PPP6R3: variants seen among roughly 807,000 people sequenced by gnomAD.
PPP6R3 encodes the protein protein phosphatase 6 regulatory subunit 3.
A neutral mutation model predicts 110.7 loss-of-function variants in PPP6R3; 38 were observed. The ratio of observed to expected loss-of-function variants is 0.34; its 90% CI spans 0.26 to 0.45. PPP6R3 has a LOEUF of 0.45. Ranked by LOEUF, PPP6R3 falls within the 20% of genes least tolerant of loss-of-function variation. The pLI is 1.00. For missense variants in PPP6R3, 870 were observed against 1,062.4 expected, an observed-to-expected ratio of 0.82 and a Z score of 2.52; for synonymous variants, 369 against 373.5, an observed-to-expected ratio of 0.99 and a Z score of 0.14.
intron 6 of PPP6R3, among the ~76,000 whole-genome samples, chr11:68,553,644 G>A (rs1015490814): frequency 6.6e-6 from 1 of 152,074 alleles, no homozygotes; most frequent in Non-Finnish European, 1.5e-5. Context: ...CTTCTATGCT[G>A]ATAAGAGTGT....
intron 22 of PPP6R3, among the ~76,000 whole-genome samples, chr11:68,608,725 C>T (rs192884897): frequency 2.0e-5 from 3 of 152,214 alleles, no homozygotes; most frequent in East Asian, 1.9e-4. Flanking sequence ...TGGGTCTCCC[C>T]GACTTGCTGA....
At chr11:68,587,769 T>A (rs1168558916) in intron 15 of PPP6R3, 158 bp from the exon 16 acceptor site, 1 of 729,090 alleles carries the variant, frequency 1.4e-6, no homozygotes, top group African/African-American at 1.8e-5. Context: ...TGGCAAATTG[T>A]GTCTGAAATT....
intron 22 of PPP6R3, among the ~76,000 whole-genome samples, chr11:68,608,917 A>G (rs760201360): frequency 2.0e-5 from 3 of 152,170 alleles, no homozygotes; most frequent in African/African-American, 7.2e-5. Context: ...GAACCAGGTA[A>G]TTCAGATGAT....
chr11:68,499,433 A>G (rs751634300), intron 1 of PPP6R3, among the ~76,000 whole-genome samples: 2 of 152,184 alleles, frequency 1.3e-5, no homozygotes, highest in Admixed American at 1.3e-4. Context: ...TTCTCAGGAC[A>G]TGGTGATAAC....
chr11:68,517,326 G>C (rs951867470), intron 1 of PPP6R3, among the ~76,000 whole-genome samples: 1 of 152,142 alleles, frequency 6.6e-6, no homozygotes, highest in Non-Finnish European at 1.5e-5. Context: ...ATACACAACA[G>C]AGTTGGAGCA....
intron 1 of PPP6R3, among the ~76,000 whole-genome samples, chr11:68,509,632 A>G (rs1312482329): frequency 6.6e-6 from 1 of 151,880 alleles, no homozygotes; most frequent in Non-Finnish European, 1.5e-5. Context: ...TATTTTTGAG[A>G]CAGGGTGTCA....
intron 1 of PPP6R3, among the ~76,000 whole-genome samples, chr11:68,479,336 A>G (rs2098880988): frequency 6.6e-6 from 1 of 152,184 alleles, no homozygotes; most frequent in Admixed American, 6.5e-5. Context: ...GTGTGCCTGC[A>G]TTTTGACTGT....
At chr11:68,472,406 C>T (rs1398289060) in intron 1 of PPP6R3, among the ~76,000 whole-genome samples, 1 of 152,178 alleles carries the variant, frequency 6.6e-6, no homozygotes, top group Non-Finnish European at 1.5e-5. Flanking sequence ...TAAACAAGTG[C>T]AGATGCATTT....
chr11:68,524,791 C>T (rs2099187586), intron 2 of PPP6R3, among the ~76,000 whole-genome samples: 1 of 152,224 alleles, frequency 6.6e-6, no homozygotes, highest in African/African-American at 2.4e-5. Context: ...TGCATTTTGA[C>T]AAGCCTGTGG....
chr11:68,517,938 C>CAA lies in PPP6R3; in HGVS notation c.-157-1549_-157-1548dup, dbSNP rs34246025. On this transcript the variant is annotated intron_variant, in intron 1 of 23. Transcript: ENST00000393800. ...GGGCGAGAGAGCAAGACCCTGTCTT[C>CAA]AAAAAAAAAAAAAAAGTTAATAAAA... is the stretch of plus-strand genomic sequence containing the variant. Among the ~76,000 whole-genome samples, 757 of 128,126 alleles carry CAA rather than the reference C, an allele frequency of 5.9e-3. 6 individuals carry two copies. The highest frequency in any genetic ancestry group is 0.023 in the Middle Eastern group (6 of 260). 84.1% of individuals were successfully genotyped at this position (128,126 alleles called of 152,430 possible). A position where few individuals can be genotyped will look rare whatever the true frequency, so the allele number is the denominator to read the frequency against.
intron 20 of PPP6R3, among the ~76,000 whole-genome samples, chr11:68,601,500 A>G (rs1270899176): frequency 6.6e-6 from 1 of 152,202 alleles, no homozygotes. Context: ...AAACCAGTCA[A>G]CCTGATAAAT....
At chr11:68,573,891 A>G (rs963964182) in intron 12 of PPP6R3, among the ~76,000 whole-genome samples, 2 of 152,198 alleles carry the variant, frequency 1.3e-5, no homozygotes, top group African/African-American at 4.8e-5. Flanking sequence ...AGGCTGCCAT[A>G]TAATCTTTTA....
At chr11:68,516,768 T>C (rs10896337) in intron 1 of PPP6R3, among the ~76,000 whole-genome samples, 38,529 of 152,172 alleles carry the variant, frequency 0.25, 5,134 homozygotes, top group Middle Eastern at 0.33. Flanking sequence ...GAGGAATGAA[T>C]GTTAACGGTT....
intron 1 of PPP6R3, among the ~76,000 whole-genome samples, chr11:68,503,422 TGTGG>T (rs1248114160): frequency 2.0e-5 from 3 of 152,162 alleles, no homozygotes; most frequent in Non-Finnish European, 4.4e-5. Flanking sequence ...GCCTGACCTC[TGTGG>T]GAGCCTCTGT....
chr11:68,577,287 T>G (rs909049562), intron 14 of PPP6R3, among the ~76,000 whole-genome samples: 3 of 152,156 alleles, frequency 2.0e-5, no homozygotes, highest in Non-Finnish European at 4.4e-5. Flanking sequence ...ACTTGAGTGT[T>G]CTGGATAATC....
intron 23 of PPP6R3, among the ~76,000 whole-genome samples, chr11:68,610,864 C>A: frequency 6.6e-6 from 1 of 151,502 alleles, no homozygotes; most frequent in Non-Finnish European, 1.5e-5. Flanking sequence ...CATCCTCCCC[C>A]AAATCTTGCC....
intron 1 of PPP6R3, among the ~76,000 whole-genome samples, chr11:68,475,491 C>T (rs927247455): frequency 9.9e-5 from 15 of 151,624 alleles, no homozygotes; most frequent in African/African-American, 3.2e-4. Context: ...AAGGGGCGGC[C>T]GAGCAGAGGT....
intron 18 of PPP6R3, among the ~76,000 whole-genome samples, chr11:68,595,656 T>C: frequency 6.6e-6 from 1 of 152,230 alleles, no homozygotes; most frequent in East Asian, 1.9e-4. Flanking sequence ...AAAAGACTTG[T>C]GTATAGAGTT....
At chr11:68,512,463 C>T (rs978314847) in intron 1 of PPP6R3, among the ~76,000 whole-genome samples, 7 of 152,206 alleles carry the variant, frequency 4.6e-5, no homozygotes, top group Admixed American at 3.3e-4. Context: ...CTGAAAATCA[C>T]AAAAGATTAA....
Sources: gnomAD v4.1 joint callset for allele counts (sites outside exome capture counted in the v4.1 genomes callset) on GRCh38, gnomAD v4.1.1 for gene constraint, MANE v1.5 for transcripts, NCBI Gene and HGNC (gene_info 2026-07-23, HGNC 2026-07-21) for gene names.